The following CHL1 variants were observed in gnomAD, a reference collection of about 807,000 sequenced individuals.
The protein encoded by CHL1 is neural cell adhesion molecule L1-like protein.
A neutral mutation model predicts 141.9 loss-of-function variants in CHL1; 96 were observed. The ratio of observed to expected loss-of-function variants is 0.68; its 90% CI spans 0.57 to 0.80. The LOEUF (loss-of-function observed/expected upper bound fraction) is 0.80. Ranked by LOEUF, CHL1 falls within the 30% of genes least tolerant of loss-of-function variation. The pLI, the probability that CHL1 is intolerant of heterozygous loss-of-function variation, is 0.00. For synonymous variants in CHL1, 613 were observed against 502.2 expected (o/e 1.22, Z -2.95); for missense variants, 1,820 against 1,457.2 (o/e 1.25, Z -4.05).
At chr3:255,984 A>T (rs912347691) in intron 2 of CHL1, among the ~76,000 whole-genome samples, 1 of 152,164 alleles carries the variant, frequency 6.6e-6, no homozygotes, top group Non-Finnish European at 1.5e-5. Flanking sequence ...CCACACTTTC[A>T]ACTTTCTAAA....
chr3:397,248 A>T (rs1029573331), intron 24 of CHL1, among the ~76,000 whole-genome samples: 1 of 152,144 alleles, frequency 6.6e-6, no homozygotes, highest in African/African-American at 2.4e-5. Flanking sequence ...TGTTTCAATG[A>T]CGCTTAATCT....
rs148331501 is a variant in CHL1 at position 325,995 on chromosome 3, T to G, written c.128T>G (p.Val43Gly). 1.2e-6 allele frequency: 2 copies of G among 1,611,814 alleles called. No homozygotes were observed. Among genetic ancestry groups the G allele is most frequent in the African/African-American group, 2.7e-5 (2 of 74,790 alleles). ...CCAACAATCATAAAACAGTCAAAAG[T>G]CCAAGTTGCCTTTCCCTTCGATGAG... ...QVPTIIKQSK[V>G]QVAFPFDEYF... Residue 43 changes from valine (V) to glycine (G), a missense_variant, in exon 4 of 28, where the codon GTC becomes GGC. By Grantham distance (109) the Val-to-Gly change is moderately radical. Coordinates refer to ENST00000256509, the MANE Select transcript of CHL1 (RefSeq NM_006614.4).
intron 5 of CHL1, among the ~76,000 whole-genome samples, chr3:332,571 A>G (rs1328814636): frequency 6.6e-6 from 1 of 152,070 alleles, no homozygotes; most frequent in African/African-American, 2.4e-5. Flanking sequence ...ATATTCTTAA[A>G]ATGAGTAAGT....
At chr3:231,507 TA>T (rs892941419) in intron 1 of CHL1, among the ~76,000 whole-genome samples, 1 of 150,744 alleles carries the variant, frequency 6.6e-6, no homozygotes, top group African/African-American at 2.4e-5. Flanking sequence ...TTGGTTTTAA[TA>T]AAAAAAGAAG....
rs192234181 is a variant in CHL1 at position 375,900 on chromosome 3, G to A, written c.1752-1918G>A. Among the ~76,000 whole-genome samples, 4 of 152,248 alleles carry A rather than the reference G, an allele frequency of 2.6e-5. No individual in the cohort carries two copies. In the East Asian group the frequency reaches 5.8e-4, roughly 22 times the overall value. On this transcript the variant is annotated intron_variant, in intron 15 of 27. Coordinates refer to ENST00000256509, the MANE Select transcript of CHL1 (RefSeq NM_006614.4). ...TGTCATAGTGCCTTCAGGGAAACAC[G>A]GATATTACTCAGCTGAACAGGGTAA...
At chr3:283,078 A>AT (rs1696808572) in intron 2 of CHL1, among the ~76,000 whole-genome samples, 1 of 152,204 alleles carries the variant, frequency 6.6e-6, no homozygotes, top group African/African-American at 2.4e-5. Flanking sequence ...CCATTCACAT[A>AT]GTGAATACAT....
intron 2 of CHL1, among the ~76,000 whole-genome samples, chr3:264,812 C>A (rs1028550629): frequency 9.9e-5 from 15 of 152,166 alleles, no homozygotes; most frequent in Admixed American, 6.5e-4. Flanking sequence ...GCGTAAAATA[C>A]CAGCGTACTT....
chr3:205,707 T>C (rs567387017), intron 1 of CHL1, among the ~76,000 whole-genome samples: 35 of 152,264 alleles, frequency 2.3e-4, no homozygotes, highest in Admixed American at 6.5e-4. Flanking sequence ...TGACCAGTCA[T>C]TATAAAAAGC....
At chr3:333,124 A>ATTTTTTTTTTTTGTTTTTTT (rs879790982) in intron 5 of CHL1, among the ~76,000 whole-genome samples, 1 of 83,314 alleles carries the variant, frequency 1.2e-5, no homozygotes, top group Non-Finnish European at 2.1e-5. Flanking sequence ...TAATTGCTCT[A>ATTTTTTTTTTTTGTTTTTTT]TTTTTTTTAT....
intron 26 of CHL1, among the ~76,000 whole-genome samples, chr3:399,393 G>A (rs1030068342): frequency 2.0e-5 from 3 of 152,204 alleles, no homozygotes; most frequent in African/African-American, 7.2e-5. Context: ...TGTAATTCCA[G>A]CAGTTTGGGA....
intron 10 of CHL1, among the ~76,000 whole-genome samples, chr3:353,355 A>G (rs903361160): frequency 2.0e-5 from 3 of 151,988 alleles, no homozygotes; most frequent in Non-Finnish European, 2.9e-5. Flanking sequence ...AAATAACCAG[A>G]AAAAAAGTAA....
At position 405,849 on chromosome 3, in the gene CHL1, G is replaced by A; in HGVS notation, c.*138G>A. 1.6e-6 allele frequency: 1 copy of A among 623,794 alleles called. No individual in the cohort carries two copies. The highest frequency in any genetic ancestry group is 1.9e-5 in the African/African-American group (1 of 52,960). 38.6% of individuals were successfully genotyped at this position (623,794 alleles called of 1,614,324 possible). ...CCAGAAGTCAACATCCTGCAATTAT[G>A]TTGAAAAGAGTAGTACTTTCTTCAA... On this transcript the variant is annotated 3_prime_UTR_variant, in exon 28 of 28. Transcript: ENST00000256509.
intron 15 of CHL1, among the ~76,000 whole-genome samples, chr3:367,754 T>C (rs1391883): frequency 1.3e-5 from 2 of 152,168 alleles, no homozygotes; most frequent in South Asian, 2.1e-4. Context: ...GATGGTTTGC[T>C]GCACCTATTG....
intron 1 of CHL1, among the ~76,000 whole-genome samples, chr3:232,919 C>T (rs1701994527): frequency 1.3e-5 from 2 of 152,108 alleles, no homozygotes; most frequent in Admixed American, 1.3e-4. Flanking sequence ...ATAAAAGAAA[C>T]CAGGGAGCAC....
intron 1 of CHL1, chr3:217,402 T>C (rs1301599324): frequency 6.6e-6 from 1 of 152,042 alleles, no homozygotes; most frequent in Non-Finnish European, 1.5e-5. Flanking sequence ...CCTCCCAGAG[T>C]TGCCATTACT....
At chr3:252,791 C>T (rs953625503) in intron 2 of CHL1, among the ~76,000 whole-genome samples, 1 of 151,882 alleles carries the variant, frequency 6.6e-6, no homozygotes, top group Non-Finnish European at 1.5e-5. Flanking sequence ...TTTCATTTAC[C>T]CTTCCATTTG....
rs567545167 is a variant in CHL1, at chr3:229,967, T to C, written c.-174-14646T>C. Among the ~76,000 whole-genome samples the C allele has an allele frequency of 2.0e-5, 3 of 152,242 alleles. No individual in the cohort carries two copies. The South Asian group carries it at 6.2e-4, about 32-fold the overall frequency. ...TCTCCTTGTCTGTGCAGCTGTTGCT[T>C]CGTTTTGTTTAGGGTGGATCTTCTC... On this transcript the variant is annotated intron_variant, in intron 1 of 27. Coordinates refer to ENST00000256509, the MANE Select transcript of CHL1 (RefSeq NM_006614.4).
chr3:198,451 C>T (rs1698606359), intron 1 of CHL1, among the ~76,000 whole-genome samples: 1 of 152,168 alleles, frequency 6.6e-6, no homozygotes, highest in Admixed American at 6.5e-5. Context: ...CGGAGGCTCC[C>T]GGGACGCCCA....
chr3:363,663 C>T (rs1343198149), intron 14 of CHL1: 1 of 235,202 alleles, frequency 4.3e-6, no homozygotes, highest in Non-Finnish European at 8.2e-6. Flanking sequence ...AACCATACTA[C>T]ACCATATTTC....
Sources: allele counts gnomAD v4.1 joint callset (sites outside exome capture counted in the v4.1 genomes callset), GRCh38; gene constraint gnomAD v4.1.1; transcripts MANE v1.5; gene names NCBI Gene and HGNC (gene_info 2026-07-23, HGNC 2026-07-21).